SLC25A48: variants seen among roughly 807,000 people sequenced by gnomAD.
The protein encoded by SLC25A48 is CTC-321K16.1.
In SLC25A48, 29 loss-of-function variants were observed where a neutral mutation model predicts 32.2. That is an observed-to-expected ratio of 0.90 (90% confidence interval 0.67 to 1.23). The LOEUF is 1.23. Among genes scored for constraint, SLC25A48 ranks in the 50% most tolerant of loss-of-function variants. The probability of loss-of-function intolerance (pLI) is 0.00; values close to 1 mark genes in which losing one functional copy is unlikely to be tolerated. For synonymous variants in SLC25A48, 164 were observed against 172.3 expected (o/e 0.95, Z 0.38); for missense variants, 399 against 422.7 (o/e 0.94, Z 0.49).
intron 4 of SLC25A48, among the ~76,000 whole-genome samples, chr5:135,868,901 C>T (rs1415121984): frequency 1.3e-5 from 2 of 152,158 alleles, no homozygotes; most frequent in Non-Finnish European, 2.9e-5. Flanking sequence ...AAAACCTTGA[C>T]TCCTGGTCAG....
chr5:135,814,428 C>T (rs547538449), intron 4 of SLC25A48, among the ~76,000 whole-genome samples: 86 of 152,316 alleles, frequency 5.6e-4, no homozygotes, highest in Non-Finnish European at 1.1e-3. Context: ...TCATGTGTCC[C>T]AGGACAGTAG....
intron 3 of SLC25A48, among the ~76,000 whole-genome samples, chr5:135,678,596 T>A (rs1024132469): frequency 3.3e-5 from 5 of 152,214 alleles, no homozygotes; most frequent in African/African-American, 1.2e-4. Context: ...TTTCCTTTTT[T>A]TCATGTTGCC....
intron 6 of SLC25A48, chr5:135,875,654 G>A (rs1761979316): frequency 6.6e-6 from 1 of 152,242 alleles, no homozygotes; most frequent in African/African-American, 2.4e-5. Context: ...GTATGTGGTA[G>A]GCACAGTTCT....
intron 3 of SLC25A48, among the ~76,000 whole-genome samples, chr5:135,723,528 CT>C (rs375388529): frequency 0.011 from 1,314 of 119,814 alleles, 16 homozygotes; most frequent in Middle Eastern, 0.018. Flanking sequence ...CTGCAGTCCT[CT>C]TTTTTTTTTC....
intron 6 of SLC25A48, among the ~76,000 whole-genome samples, chr5:135,877,568 A>G (rs868503718): frequency 7.2e-5 from 11 of 152,108 alleles, no homozygotes; most frequent in Admixed American, 3.3e-4. Flanking sequence ...CCATCCATCC[A>G]TTCACTGATT....
intron 3 of SLC25A48, among the ~76,000 whole-genome samples, chr5:135,738,601 C>T (rs1755432569): frequency 6.6e-6 from 1 of 152,186 alleles, no homozygotes; most frequent in South Asian, 2.1e-4. Flanking sequence ...GCACAAGTTG[C>T]TTCTGCTCTC....
At chr5:135,689,338 A>G (rs1754091281) in intron 3 of SLC25A48, among the ~76,000 whole-genome samples, 1 of 152,196 alleles carries the variant, frequency 6.6e-6, no homozygotes, top group African/African-American at 2.4e-5. Flanking sequence ...TCTCCATACA[A>G]TAGACCCTCC....
chr5:135,731,564 T>C (rs1467075624), intron 3 of SLC25A48, among the ~76,000 whole-genome samples: 3 of 152,214 alleles, frequency 2.0e-5, no homozygotes, highest in African/African-American at 7.2e-5. Context: ...AAGGAAGATT[T>C]TGTGGTAAGG....
In SLC25A48 at chr5:135,654,858, T is replaced by C. The variant is rs563692606; in HGVS notation, c.-521+19902T>C. 4.7e-4 allele frequency among the ~76,000 whole-genome samples: 71 copies of C among 152,346 alleles called. 1 individual carries two copies. In the East Asian group the frequency reaches 0.013, roughly 27 times the overall value. On this transcript the variant is annotated intron_variant, in intron 3 of 10. Transcript: ENST00000646290. ...TGCTGGAGTTTCCAGTTCTTCCACA[T>C]AGACTGCGAGAACTCGGCCTGCCCC...
At chr5:135,648,757 T>G (rs1246972921) in intron 3 of SLC25A48, 1 of 152,252 alleles carries the variant, frequency 6.6e-6, no homozygotes, top group African/African-American at 2.4e-5. Flanking sequence ...AAGATGCATT[T>G]TTTTGTAAGT....
At chr5:135,842,103 G>C (rs1320042827) in intron 1 of SLC25A48, among the ~76,000 whole-genome samples, 1 of 152,086 alleles carries the variant, frequency 6.6e-6, no homozygotes, top group East Asian at 1.9e-4. Flanking sequence ...TTAGGTCTTT[G>C]ATCTATTTTG....
intron 3 of SLC25A48, among the ~76,000 whole-genome samples, chr5:135,750,293 C>T (rs1168521189): frequency 2.0e-5 from 3 of 152,090 alleles, no homozygotes; most frequent in Admixed American, 2.0e-4. Flanking sequence ...TGGTTTAAAA[C>T]CACCATGGTT....
chr5:135,645,877 T>G (rs563755191), intron 3 of SLC25A48, among the ~76,000 whole-genome samples: 4 of 152,202 alleles, frequency 2.6e-5, no homozygotes, highest in Non-Finnish European at 5.9e-5. Flanking sequence ...TCTCATAACT[T>G]GAACTACAAT....
intron 1 of SLC25A48, among the ~76,000 whole-genome samples, chr5:135,588,632 C>G (rs1282233554): frequency 1.3e-5 from 2 of 152,144 alleles, no homozygotes; most frequent in African/African-American, 4.8e-5. Context: ...TTTCATGAAG[C>G]AGGTAGTGGA....
intron 3 of SLC25A48, among the ~76,000 whole-genome samples, chr5:135,685,260 C>T (rs1360820122): frequency 1.3e-5 from 2 of 150,482 alleles, no homozygotes; most frequent in East Asian, 3.9e-4. Flanking sequence ...AGGTTTTTGG[C>T]CATTCTCTTG....
intron 1 of SLC25A48, among the ~76,000 whole-genome samples, chr5:135,581,995 T>C (rs967247563): frequency 2.0e-5 from 3 of 152,196 alleles, no homozygotes; most frequent in Non-Finnish European, 1.5e-5. Context: ...CACTGTCTGC[T>C]TCAAGGAGGT....
intron 1 of SLC25A48, among the ~76,000 whole-genome samples, chr5:135,595,451 A>T (rs1447420952): frequency 2.0e-5 from 3 of 152,190 alleles, no homozygotes; most frequent in Non-Finnish European, 2.9e-5. Context: ...ATGGACAGAC[A>T]CCACTCACCA....
At chr5:135,827,547 C>T (rs1758095646) in intron 4 of SLC25A48, 2 of 152,188 alleles carry the variant, frequency 1.3e-5, no homozygotes, top group Admixed American at 6.5e-5. Flanking sequence ...GCCAGGAAAA[C>T]TCGTCTTTGT....
chr5:135,822,764 A>G (rs1009718627), intron 4 of SLC25A48, among the ~76,000 whole-genome samples: 4 of 152,212 alleles, frequency 2.6e-5, no homozygotes, highest in Admixed American at 2.6e-4. Flanking sequence ...CAGCGAACAG[A>G]GCACAGGCTT....
Sources: allele counts gnomAD v4.1 joint callset (sites outside exome capture counted in the v4.1 genomes callset), GRCh38; gene constraint gnomAD v4.1.1; transcripts MANE v1.5; gene names NCBI Gene and HGNC (gene_info 2026-07-23, HGNC 2026-07-21).